TMEM117: variants seen among roughly 807,000 people sequenced by gnomAD.
The protein encoded by TMEM117 is transmembrane protein 117.
A neutral mutation model predicts 52.4 loss-of-function variants in TMEM117; 27 were observed. The ratio of observed to expected loss-of-function variants is 0.51; its 90% CI spans 0.38 to 0.71. The LOEUF is 0.71. TMEM117 is among the 30% of genes least tolerant of loss of function. TMEM117 has a pLI of 0.00. For missense variants in TMEM117, 556 were observed against 630.5 expected (o/e 0.88, Z 1.26); for synonymous variants, 215 against 206.3 (o/e 1.04, Z -0.36).
chr12:43,796,272 C>G, the TMEM117 span, among the ~76,000 whole-genome samples: 2 of 152,094 alleles, frequency 1.3e-5, no homozygotes, highest in Non-Finnish European at 2.9e-5. Flanking sequence ...GTCAGCTGAT[C>G]CCTGCTATAG....
At chr12:44,397,048 A>C in the TMEM117 span, among the ~76,000 whole-genome samples, 19 of 152,158 alleles carry the variant, frequency 1.2e-4, no homozygotes, top group Admixed American at 1.2e-3. Context: ...TAAAAAATCC[A>C]ATTTAAAGCG....
chr12:43,866,446 A>C (rs1943601312), intron 2 of TMEM117, among the ~76,000 whole-genome samples: 1 of 150,756 alleles, frequency 6.6e-6, no homozygotes, highest in Admixed American at 6.6e-5. Context: ...GAAGCGGTGC[A>C]CACCTATAGT....
chr12:44,114,913 A>T (rs1948111070), intron 3 of TMEM117, among the ~76,000 whole-genome samples: 1 of 152,230 alleles, frequency 6.6e-6, no homozygotes, highest in African/African-American at 2.4e-5. Flanking sequence ...AATCAGATAC[A>T]GGCTATGAAT....
At chr12:44,060,659 C>T (rs917941457) in intron 3 of TMEM117, among the ~76,000 whole-genome samples, 1 of 151,986 alleles carries the variant, frequency 6.6e-6, no homozygotes, top group Non-Finnish European at 1.5e-5. Context: ...GTTTCAGACA[C>T]AAGATTTATT....
intron 3 of TMEM117, among the ~76,000 whole-genome samples, chr12:44,072,353 C>G (rs551362394): frequency 6.6e-6 from 1 of 152,308 alleles, no homozygotes; most frequent in South Asian, 2.1e-4. Context: ...AAATATTGCT[C>G]TTGTCACTAC....
intron 2 of TMEM117, among the ~76,000 whole-genome samples, chr12:43,855,469 T>C (rs1778831244): frequency 6.6e-6 from 1 of 152,164 alleles, no homozygotes; most frequent in South Asian, 2.1e-4. Flanking sequence ...AATGCTGTAG[T>C]TAAAAAAATA....
chr12:43,805,385 C>G, the TMEM117 span: 1 of 352,128 alleles, frequency 2.8e-6, no homozygotes, highest in East Asian at 7.5e-5. Flanking sequence ...AAAATCTTTA[C>G]GAATAAAACA....
chr12:44,190,269 T>C (rs1013739208), intron 4 of TMEM117, among the ~76,000 whole-genome samples: 2 of 152,212 alleles, frequency 1.3e-5, no homozygotes, highest in African/African-American at 4.8e-5. Context: ...GTTTGTTGAA[T>C]TTCTTATGCT....
At chr12:44,269,576 G>A (rs773872604) in intron 5 of TMEM117, among the ~76,000 whole-genome samples, 3 of 150,144 alleles carry the variant, frequency 2.0e-5, no homozygotes, top group Non-Finnish European at 4.4e-5. Flanking sequence ...CTTCCTCATC[G>A]TCTACATTTT....
At chr12:44,094,498 G>T (rs1196012928) in intron 3 of TMEM117, among the ~76,000 whole-genome samples, 1 of 152,076 alleles carries the variant, frequency 6.6e-6, no homozygotes, top group East Asian at 1.9e-4. Flanking sequence ...CCCAGAAGGA[G>T]TAATGAAAGA....
intron 3 of TMEM117, among the ~76,000 whole-genome samples, chr12:44,133,618 A>G (rs1169786811): frequency 6.6e-6 from 1 of 152,042 alleles, no homozygotes; most frequent in East Asian, 1.9e-4. Context: ...AAACTATATA[A>G]TTAGTAAAAT....
intron 3 of TMEM117, among the ~76,000 whole-genome samples, chr12:44,102,596 T>C (rs1027937251): frequency 6.6e-6 from 1 of 152,064 alleles, no homozygotes; most frequent in African/African-American, 2.4e-5. Flanking sequence ...ACTTTTTCAT[T>C]TGAGCTCCTA....
chr12:44,064,897 T>C (rs1947198731), intron 3 of TMEM117, among the ~76,000 whole-genome samples: 1 of 152,190 alleles, frequency 6.6e-6, no homozygotes, highest in Admixed American at 6.5e-5. Context: ...TAGGTGCTCT[T>C]ACCACATACA....
chr12:44,163,873 T>G (rs1262057583), intron 4 of TMEM117, among the ~76,000 whole-genome samples: 1 of 152,188 alleles, frequency 6.6e-6, no homozygotes, highest in East Asian at 1.9e-4. Context: ...TTGAAGCCAC[T>G]CATCATAATA....
At chr12:43,856,085 T>C (rs1225844188) in intron 2 of TMEM117, among the ~76,000 whole-genome samples, 2 of 152,222 alleles carry the variant, frequency 1.3e-5, no homozygotes, top group Non-Finnish European at 2.9e-5. Context: ...TAAAACTGTA[T>C]TTATGACTAC....
At chr12:44,170,575 T>A (rs1352130829) in intron 4 of TMEM117, among the ~76,000 whole-genome samples, 1 of 152,214 alleles carries the variant, frequency 6.6e-6, no homozygotes, top group Admixed American at 6.5e-5. Context: ...CTGGATGAAC[T>A]TTTTTAAAGC....
intron 3 of TMEM117, among the ~76,000 whole-genome samples, chr12:44,096,289 C>T (rs920942675): frequency 6.6e-6 from 1 of 151,982 alleles, no homozygotes; most frequent in Non-Finnish European, 1.5e-5. Flanking sequence ...CCATACTGCC[C>T]AAGGTAATTT....
intron 5 of TMEM117, among the ~76,000 whole-genome samples, chr12:44,298,391 C>G (rs553629780): frequency 6.7e-6 from 1 of 148,856 alleles, no homozygotes; most frequent in South Asian, 2.1e-4. Context: ...GCATTTTTAT[C>G]TGATTAAATT....
chr12:44,138,044 C>CTTT (rs1260777369), intron 3 of TMEM117, among the ~76,000 whole-genome samples: 1 of 151,904 alleles, frequency 6.6e-6, no homozygotes, highest in Non-Finnish European at 1.5e-5. Context: ...ATTTTTATTC[C>CTTT]CACTATATAG....
Sources: gnomAD v4.1 joint callset for allele counts (sites outside exome capture counted in the v4.1 genomes callset) on GRCh38, gnomAD v4.1.1 for gene constraint, MANE v1.5 for transcripts, NCBI Gene and HGNC (gene_info 2026-07-23, HGNC 2026-07-21) for gene names.